The following HYDIN variants were observed in gnomAD, a reference collection of about 807,000 sequenced individuals.
HYDIN encodes axonemal central pair apparatus protein HYDIN.
A neutral mutation model predicts 403.9 loss-of-function variants in HYDIN; 132 were observed. That is an observed-to-expected ratio of 0.33 (90% CI 0.28 to 0.38). HYDIN has a LOEUF of 0.38. Among genes scored for constraint, HYDIN ranks in the 10% least tolerant of loss-of-function variants. HYDIN has a pLI of 1.00. For missense variants in HYDIN, 2,827 were observed against 5,009.5 expected (o/e 0.56, Z 13.15); for synonymous variants, 1,202 against 1,891.7 (o/e 0.64, Z 9.46).
intron 3 of HYDIN, 34 bp downstream of exon 3, chr16:71,184,831 C>T: frequency 6.5e-7 from 1 of 1,533,420 alleles, no homozygotes; most frequent in African/African-American, 1.4e-5. Context: ...TGCCAGGGCC[C>T]ACTTTATATG....
At chr16:70,860,597 T>C (rs2039346523) in intron 70 of HYDIN, 92 bp downstream of exon 70, 10 of 425,800 alleles carry the variant, frequency 2.3e-5, no homozygotes, top group Non-Finnish European at 4.0e-6. Context: ...TCGAGCCTGC[T>C]TATAGGAATA....
At chr16:71,065,767 A>C (rs2082243668) in intron 15 of HYDIN, among the ~76,000 whole-genome samples, 1 of 152,208 alleles carries the variant, frequency 6.6e-6, no homozygotes, top group Non-Finnish European at 1.5e-5. Flanking sequence ...GTAAGTGCCC[A>C]GTAAGAGGGA....
chr16:71,064,593 ATTAC>A, intron 16 of HYDIN, 108 bp downstream of exon 16: 1 of 945,056 alleles, frequency 1.1e-6, no homozygotes, highest in Admixed American at 2.7e-5. Context: ...AAAAATCAGC[ATTAC>A]TTAAGGTCAT....
chr16:71,194,452 C>T (rs1468936204), intron 1 of HYDIN, among the ~76,000 whole-genome samples: 1 of 152,158 alleles, frequency 6.6e-6, no homozygotes, highest in African/African-American at 2.4e-5. Context: ...TCAGAAAGAG[C>T]TGTTAGCAGT....
chr16:71,061,788 T>TACAG (rs1315473404), intron 17 of HYDIN, among the ~76,000 whole-genome samples: 1 of 151,142 alleles, frequency 6.6e-6, no homozygotes, highest in East Asian at 1.9e-4. Flanking sequence ...CTGGCTCCCG[T>TACAG]ACAGATGTGC....
intron 7 of HYDIN, among the ~76,000 whole-genome samples, chr16:71,144,733 A>T (rs1454875464): frequency 2.0e-5 from 3 of 150,960 alleles, no homozygotes; most frequent in African/African-American, 4.9e-5. Context: ...AAAGCAAAGA[A>T]ATCTCCTAAC....
chr16:70,921,238 A>G (rs1459098711), intron 45 of HYDIN, 21 bp from the exon 46 acceptor site: 16 of 1,511,404 alleles, frequency 1.1e-5, no homozygotes, highest in Non-Finnish European at 1.3e-5. Context: ...TGACACAGAA[A>G]AGATGCGTCA....
chr16:70,974,366 GA>G (rs779634379), intron 32 of HYDIN, 66 bp from the exon 33 acceptor site: 312 of 1,495,840 alleles, frequency 2.1e-4, no homozygotes, highest in Non-Finnish European at 2.5e-4. Flanking sequence ...CTGCTCTAGA[GA>G]AAGCCCCCAC....
At chr16:71,200,915 ACTCT>A (rs1353671548) in intron 1 of HYDIN, among the ~76,000 whole-genome samples, 2 of 151,766 alleles carry the variant, frequency 1.3e-5, no homozygotes, top group Non-Finnish European at 1.5e-5. Flanking sequence ...CAATTGGTAC[ACTCT>A]CTCCCTCCTC....
rs1351917450 is a variant in HYDIN, at chr16:70,805,373, A to T, written c.*2207T>A. Among the ~76,000 whole-genome samples the T allele has an allele frequency of 6.6e-6, 1 of 152,196 alleles. No individual in the cohort carries two copies. Among genetic ancestry groups the T allele is most frequent in the Non-Finnish European group, 1.5e-5 (1 of 68,036 alleles). ...TGCCTTTCTAACAAATTCCCAGGTG[A>T]TGCTGATGCTGCAGGTCCATAGGCC... On this transcript the variant is annotated 3_prime_UTR_variant, in exon 86 of 86. Transcript: ENST00000393567.
Position 70,804,356 on chromosome 16 carries a change from A to G in HYDIN, c.*3224T>C, listed in dbSNP as rs1283325190. ...GAGACAGTGGGGATGCAGCAGAGAA[A>G]GTGATGATCAAAGGTCACTGAGTGA... On this transcript the variant is annotated 3_prime_UTR_variant, in exon 86 of 86. Coordinates refer to ENST00000393567, the MANE Select transcript of HYDIN (RefSeq NM_001270974.2). Among the ~76,000 whole-genome samples the G allele has an allele frequency of 6.6e-6, 1 of 152,230 alleles. No homozygotes were observed. Among genetic ancestry groups the G allele is most frequent in the Admixed American group, 6.5e-5 (1 of 15,290 alleles).
chr16:71,125,410 T>G (rs939754351), intron 9 of HYDIN, among the ~76,000 whole-genome samples: 4 of 152,244 alleles, frequency 2.6e-5, no homozygotes, highest in Non-Finnish European at 5.9e-5. Flanking sequence ...CATTCATTCG[T>G]TTATTAGCAC....
intron 45 of HYDIN, among the ~76,000 whole-genome samples, chr16:70,930,612 C>T (rs1470917809): frequency 6.6e-6 from 1 of 152,152 alleles, no homozygotes; most frequent in Admixed American, 6.5e-5. Context: ...AGAAGAGGAA[C>T]CCCGCATTTT....
chr16:70,829,844 G>C lies in HYDIN; in HGVS notation c.13900-14C>G. The C allele has an allele frequency of 6.2e-7, 1 of 1,612,270 alleles. No individual in the cohort carries two copies. The highest frequency in any genetic ancestry group is 8.5e-7 in the Non-Finnish European group (1 of 1,178,604). On this transcript the variant is annotated splice_polypyrimidine_tract_variant and intron_variant, in intron 80 of 85. Coordinates refer to ENST00000393567, the MANE Select transcript of HYDIN (RefSeq NM_001270974.2). ...GAAATTCACTACCTGGAAGAAAGCA[G>C]GCACCTCATCTTCCATGGCACTTCC... is the stretch of plus-strand genomic sequence containing the variant.
chr16:71,032,206 A>T (rs1389345273), intron 18 of HYDIN, among the ~76,000 whole-genome samples: 1 of 152,038 alleles, frequency 6.6e-6, no homozygotes, highest in Non-Finnish European at 1.5e-5. Context: ...TATAATTATT[A>T]TCTACTATAA....
intron 10 of HYDIN, among the ~76,000 whole-genome samples, chr16:71,098,689 T>C (rs1484866309): frequency 2.0e-5 from 3 of 146,898 alleles, no homozygotes; most frequent in African/African-American, 5.1e-5. Flanking sequence ...TTTATAACTG[T>C]CAGGCCTAAA....
In HYDIN at chr16:70,834,131, G is replaced by T. The variant is rs202145562; in HGVS notation, c.13435C>A (p.Leu4479Met). 928 of 1,613,690 alleles carry T rather than the reference G, an allele frequency of 5.8e-4. No homozygotes were observed. Among genetic ancestry groups the T allele is most frequent in the Non-Finnish European group, 7.4e-4 (872 of 1,179,850 alleles). The change falls in exon 79 of 86, where the codon CTG (leucine) becomes ATG (methionine). Residue 4479 changes from leucine to methionine, a missense_variant. Physicochemically the swap from Leu to Met is conservative, Grantham distance 15. Transcript: ENST00000393567. ...AGTTTACAGACTTCTTTGGGCTTCA[G>T]TGTGATGTTGTGGAAGGGCGCCAGG... ...LTLAPFHNIT[L>M]KPKEVCKLEV...
chr16:71,073,508 A>C (rs2144318115), intron 13 of HYDIN, among the ~76,000 whole-genome samples: 1 of 152,340 alleles, frequency 6.6e-6, no homozygotes, highest in South Asian at 2.1e-4. Context: ...GTGCCATAGA[A>C]GAGACACCGG....
chr16:70,974,426 T>G (rs2078829018), intron 32 of HYDIN, 108 bp downstream of exon 32: 5 of 1,474,496 alleles, frequency 3.4e-6, no homozygotes, highest in Non-Finnish European at 4.5e-6. Context: ...CAAGAATCCT[T>G]TTAGCTGATC....
Sources: gnomAD v4.1 joint callset for allele counts (sites outside exome capture counted in the v4.1 genomes callset) on GRCh38, gnomAD v4.1.1 for gene constraint, MANE v1.5 for transcripts, NCBI Gene and HGNC (gene_info 2026-07-23, HGNC 2026-07-21) for gene names.